PLCG2: variants seen among roughly 807,000 people sequenced by gnomAD.
PLCG2 encodes the protein phospholipase C gamma 2, also known as 1-phosphatidylinositol 4,5-bisphosphate phosphodiesterase gamma-2.
A neutral mutation model predicts 175.6 loss-of-function variants in PLCG2; 69 were observed. The observed-to-expected ratio is 0.39, with a 90% CI of 0.32 to 0.48. The LOEUF is 0.48. Among genes scored for constraint, PLCG2 ranks in the 20% least tolerant of loss-of-function variants. The probability of loss-of-function intolerance (pLI) is 0.91; values close to 1 mark genes in which losing one functional copy is unlikely to be tolerated. For synonymous variants in PLCG2, 827 were observed against 624.0 expected (o/e 1.33, Z -4.85); for missense variants, 1,798 against 1,650.9 (o/e 1.09, Z -1.54).
chr16:81,785,510 T>G (rs957980202), intron 1 of PLCG2, among the ~76,000 whole-genome samples: 92 of 146,432 alleles, frequency 6.3e-4, no homozygotes, highest in African/African-American at 1.9e-3. Flanking sequence ...TTTTTTTTTT[T>G]TTGTTCTTAA....
At chr16:81,895,982 G>A in intron 13 of PLCG2, 55 bp downstream of exon 13, 1 of 1,606,574 alleles carries the variant, frequency 6.2e-7, no homozygotes. Context: ...AGCTAGGGTT[G>A]GATAGACAGA....
At chr16:81,921,086 A>C in intron 20 of PLCG2, 112 bp from the exon 21 acceptor site, 1 of 644,864 alleles carries the variant, frequency 1.6e-6, no homozygotes, top group Non-Finnish European at 2.7e-6. Context: ...TGAGGTTTCA[A>C]CTCCTCTATC....
In PLCG2 at chr16:81,960,047, G is replaced by A. The variant is rs1031408649; in HGVS notation, c.*2049G>A. The A allele has an allele frequency of 9.2e-6, 2 of 218,002 alleles. No individual in the cohort carries two copies. 13.5% of individuals were successfully genotyped at this position (218,002 alleles called of 1,614,324 possible). On this transcript the variant is annotated 3_prime_UTR_variant, in exon 33 of 33. Transcript: ENST00000564138. ...TGTGTAAAATCCATGCGTGGCCAAA[G>A]AGAAGTCAGGGGATTATGACATAAA...
At chr16:81,937,424 T>C (rs1910761381) in intron 27 of PLCG2, 1 of 185,412 alleles carries the variant, frequency 5.4e-6, no homozygotes, top group African/African-American at 2.3e-5. Context: ...AGCATAGATG[T>C]ATCAGAACTA....
intron 2 of PLCG2, among the ~76,000 whole-genome samples, chr16:81,802,649 A>G (rs186885214): frequency 1.1e-4 from 16 of 150,422 alleles, no homozygotes; most frequent in Admixed American, 7.3e-4. Flanking sequence ...TCAGCTCACT[A>G]CAACCTCTGC....
chr16:81,938,887 C>G lies in PLCG2; in HGVS notation c.3285C>G (p.Asp1095Glu). ...VEVEICGAEY[D>E]NNKFKTTVVN... ...TGGAGATCTGTGGAGCCGAGTATGA[C>G]AACAACAAGTTCAAGACGACGGTTG... Residue 1095 changes from aspartate to glutamate, a missense_variant, in exon 29 of 33, where the codon GAC becomes GAG. Coordinates refer to ENST00000564138, the MANE Select transcript of PLCG2 (RefSeq NM_002661.5). The G allele has an allele frequency of 6.2e-7, 1 of 1,610,920 alleles. No homozygotes were observed. The highest frequency in any genetic ancestry group is 1.3e-5 in the African/African-American group (1 of 74,560).
intron 13 of PLCG2, chr16:81,897,948 A>C (rs1387086238): frequency 2.3e-5 from 10 of 442,828 alleles, no homozygotes; most frequent in Non-Finnish European, 4.1e-5. Flanking sequence ...ACTTGGTGAA[A>C]ACCTTTCAAT....
At chr16:81,789,170 A>T (rs993776651) in intron 2 of PLCG2, among the ~76,000 whole-genome samples, 1 of 152,278 alleles carries the variant, frequency 6.6e-6, no homozygotes, top group African/African-American at 2.4e-5. Flanking sequence ...ACAGGGTATT[A>T]GAACCTTCTT....
chr16:81,930,763 A>C (rs1177623922), intron 24 of PLCG2, among the ~76,000 whole-genome samples: 2 of 149,216 alleles, frequency 1.3e-5, no homozygotes, highest in African/African-American at 4.9e-5. Flanking sequence ...AAAAAAAAAA[A>C]GCCATTTAAA....
At chr16:81,774,177 C>CAAAAAAAAA (rs57503150) in intron 2 of PLCG2, among the ~76,000 whole-genome samples, 1 of 40,544 alleles carries the variant, frequency 2.5e-5, no homozygotes, top group Non-Finnish European at 4.0e-5. Flanking sequence ...ACTAAAAATA[C>CAAAAAAAAA]AAAAAAAAAA....
intron 17 of PLCG2, among the ~76,000 whole-genome samples, chr16:81,909,064 C>A (rs1320421455): frequency 2.0e-5 from 3 of 152,194 alleles, no homozygotes; most frequent in African/African-American, 7.2e-5. Context: ...CATTCATCCA[C>A]CCACTTATCC....
chr16:81,884,217 G>T (rs1025499908), intron 9 of PLCG2, among the ~76,000 whole-genome samples: 1 of 152,166 alleles, frequency 6.6e-6, no homozygotes, highest in African/African-American at 2.4e-5. Context: ...CAGGCATTGT[G>T]GTGGGTGCCT....
chr16:81,897,828 A>G (rs776677430), intron 13 of PLCG2: 2 of 455,758 alleles, frequency 4.4e-6, no homozygotes, highest in East Asian at 7.0e-5. Context: ...TATGGGCATG[A>G]GCCACCGTGC....
intron 1 of PLCG2, chr16:81,740,507 C>G (rs1442193663): frequency 1.3e-5 from 2 of 152,060 alleles, no homozygotes; most frequent in African/African-American, 4.8e-5. Flanking sequence ...TTTGGAGTCC[C>G]AAGCAGGCAG....
At chr16:81,938,670 C>T (rs1910814559) in intron 28 of PLCG2, 131 bp from the exon 29 acceptor site, 1 of 613,778 alleles carries the variant, frequency 1.6e-6, no homozygotes, top group African/African-American at 1.8e-5. Context: ...TCCGGCTTTT[C>T]CAGTGAATCT....
intron 1 of PLCG2, among the ~76,000 whole-genome samples, chr16:81,747,253 G>A (rs1269436369): frequency 6.6e-6 from 1 of 152,164 alleles, no homozygotes; most frequent in African/African-American, 2.4e-5. Context: ...ATATTAATGG[G>A]ACTGGGCGCG....
intron 7 of PLCG2, among the ~76,000 whole-genome samples, chr16:81,873,289 C>T (rs1408398704): frequency 6.6e-6 from 1 of 152,142 alleles, no homozygotes; most frequent in Non-Finnish European, 1.5e-5. Flanking sequence ...CTTTAATCCC[C>T]TCTCCTTTAG....
chr16:81,865,551 T>C (rs552644856), intron 5 of PLCG2, among the ~76,000 whole-genome samples: 5 of 152,314 alleles, frequency 3.3e-5, no homozygotes, highest in African/African-American at 1.2e-4. Context: ...TTTTCTCCAC[T>C]TGTTCTTGAG....
At position 81,917,400 on chromosome 16, in the gene PLCG2, A is replaced by AGAT. The variant is rs578174063; in HGVS notation, c.2055-2083_2055-2081dup. The stretch of plus-strand genomic sequence containing the variant: ...TTGACATATTGATTTCCTTTCCTTC[A>AGAT]GATATATACCGAGAAGTGGGATTGC... On this transcript the variant is annotated intron_variant, in intron 19 of 32. Coordinates refer to ENST00000564138, the MANE Select transcript of PLCG2 (RefSeq NM_002661.5). 2.6e-4 allele frequency among the ~76,000 whole-genome samples: 40 copies of AGAT among 152,130 alleles called. 1 individual carries two copies. In the East Asian group the frequency reaches 6.8e-3, roughly 26 times the overall value.
Sources: allele counts gnomAD v4.1 joint callset (sites outside exome capture counted in the v4.1 genomes callset), GRCh38; gene constraint gnomAD v4.1.1; transcripts MANE v1.5; gene names NCBI Gene and HGNC (gene_info 2026-07-23, HGNC 2026-07-21).